SNX29: variants seen among roughly 807,000 people sequenced by gnomAD.
SNX29 encodes the protein sorting nexin 29.
In SNX29, 78 loss-of-function variants were observed where a neutral mutation model predicts 102.1. The ratio of observed to expected loss-of-function variants is 0.76; its 90% CI spans 0.64 to 0.92. The LOEUF (loss-of-function observed/expected upper bound fraction) is 0.92, where lower values mean the gene tolerates loss of function less well. Ranked by LOEUF, SNX29 falls within the 40% of genes least tolerant of loss-of-function variation. The pLI is 0.00. For synonymous variants in SNX29, 580 were observed against 414.5 expected (o/e 1.40, Z -4.85); for missense variants, 1,280 against 1,061.7 (o/e 1.21, Z -2.86).
intron 19 of SNX29, among the ~76,000 whole-genome samples, chr16:12,480,586 A>C (rs2087859385): frequency 6.6e-6 from 1 of 152,158 alleles, no homozygotes. Context: ...GGGTGTGGAC[A>C]TCTGTGGGGG....
rs1334758452 is a variant in SNX29 at position 12,570,276 on chromosome 16, T to C, written c.*1647T>C. 4 of 1,064,486 alleles carry C rather than the reference T, an allele frequency of 3.8e-6. No homozygotes were observed. The East Asian group carries it at 2.0e-4, about 53-fold the overall frequency. The allele number at this position is 1,064,486 out of a possible 1,614,324, so 65.9% of individuals were successfully genotyped here. On this transcript the variant is annotated 3_prime_UTR_variant, in exon 21 of 21. Coordinates refer to ENST00000566228, the MANE Select transcript of SNX29 (RefSeq NM_032167.5). The stretch of plus-strand genomic sequence containing the variant: ...GGAGCATGTATGGAGGTGCGGACCC[T>C]GCAGTCAGTTTGCGAGTGTGGAGGA...
chr16:12,474,806 T>C (rs2087515315), intron 18 of SNX29, among the ~76,000 whole-genome samples: 1 of 152,232 alleles, frequency 6.6e-6, no homozygotes, highest in Non-Finnish European at 1.5e-5. Flanking sequence ...TGATGTATTA[T>C]AGTTGCTGTG....
At chr16:12,112,282 C>T (rs1350075378) in intron 11 of SNX29, among the ~76,000 whole-genome samples, 1 of 152,162 alleles carries the variant, frequency 6.6e-6, no homozygotes, top group Non-Finnish European at 1.5e-5. Flanking sequence ...CTGGAAGCAG[C>T]AGTGTGCTCC....
At chr16:12,513,470 C>A (rs879457684) in intron 19 of SNX29, among the ~76,000 whole-genome samples, 2 of 152,036 alleles carry the variant, frequency 1.3e-5, no homozygotes, top group Non-Finnish European at 2.9e-5. Context: ...CTCTCCTTCC[C>A]TTCCGTACCC....
intron 18 of SNX29, among the ~76,000 whole-genome samples, chr16:12,466,859 T>C (rs1000899888): frequency 1.3e-5 from 2 of 152,210 alleles, no homozygotes; most frequent in South Asian, 2.1e-4. Flanking sequence ...AAGTGGAGAC[T>C]GTTCCATGAG....
chr16:12,459,135 C>T (rs1307127608), intron 18 of SNX29, among the ~76,000 whole-genome samples: 2 of 139,156 alleles, frequency 1.4e-5, no homozygotes, highest in Non-Finnish European at 3.1e-5. Flanking sequence ...ATTTCACTCC[C>T]CCCTCCTCCC....
At chr16:12,349,295 G>A (rs776651271) in intron 15 of SNX29, among the ~76,000 whole-genome samples, 6 of 152,206 alleles carry the variant, frequency 3.9e-5, no homozygotes, top group Non-Finnish European at 7.3e-5. Flanking sequence ...TGGACCCACC[G>A]TGCCAAGGTC....
chr16:12,077,328 G>A (rs16958959), intron 10 of SNX29, among the ~76,000 whole-genome samples: 1 of 150,330 alleles, frequency 6.7e-6, no homozygotes, highest in Admixed American at 6.6e-5. Flanking sequence ...AAGAAAATCA[G>A]TCTTAACCCT....
chr16:12,074,939 T>C (rs1224468552), intron 10 of SNX29, among the ~76,000 whole-genome samples: 3 of 152,350 alleles, frequency 2.0e-5, no homozygotes, highest in East Asian at 3.9e-4. Flanking sequence ...TGATACCCTT[T>C]CTTCCAGTTG....
chr16:12,219,670 C>G (rs1282276743), intron 14 of SNX29, among the ~76,000 whole-genome samples: 1 of 152,196 alleles, frequency 6.6e-6, no homozygotes, highest in Non-Finnish European at 1.5e-5. Flanking sequence ...ATTGAAAATT[C>G]ATGCGTATTT....
chr16:12,256,095 G>C (rs1393555338), intron 14 of SNX29, among the ~76,000 whole-genome samples: 2 of 152,118 alleles, frequency 1.3e-5, no homozygotes, highest in Non-Finnish European at 2.9e-5. Context: ...ATCTCATTGT[G>C]GTTTTGATTT....
chr16:12,408,181 A>C (rs72771556), intron 18 of SNX29, among the ~76,000 whole-genome samples: 65,573 of 148,634 alleles, frequency 0.44, 16,799 homozygotes, highest in Non-Finnish European at 0.57. Context: ...AACAAACAAA[A>C]AAAAAACTAG....
chr16:12,232,545 C>T (rs1474985563), intron 14 of SNX29, among the ~76,000 whole-genome samples: 3 of 152,176 alleles, frequency 2.0e-5, no homozygotes, highest in African/African-American at 4.8e-5. Context: ...ATGCTTGAAT[C>T]GTGGCTTTTG....
intron 14 of SNX29, among the ~76,000 whole-genome samples, chr16:12,223,817 A>T (rs2077538807): frequency 1.3e-5 from 2 of 152,162 alleles, no homozygotes; most frequent in African/African-American, 4.8e-5. Flanking sequence ...CCATGTATTG[A>T]GGGCTTACTT....
At chr16:12,285,588 G>A (rs1348069763) in intron 15 of SNX29, among the ~76,000 whole-genome samples, 1 of 152,188 alleles carries the variant, frequency 6.6e-6, no homozygotes, top group Admixed American at 6.5e-5. Flanking sequence ...AACTGTGAAT[G>A]TGATCATCAT....
chr16:12,557,860 A>C (rs2078467774), intron 20 of SNX29, among the ~76,000 whole-genome samples: 1 of 152,184 alleles, frequency 6.6e-6, no homozygotes, highest in African/African-American at 2.4e-5. Context: ...GACCATAGCC[A>C]TTCCAGCGAG....
chr16:12,230,021 C>T (rs112404582), intron 14 of SNX29, among the ~76,000 whole-genome samples: 5 of 152,356 alleles, frequency 3.3e-5, no homozygotes, highest in Non-Finnish European at 7.3e-5. Flanking sequence ...GTTGTAGCAG[C>T]CGCAGACATT....
chr16:12,386,936 C>T (rs2083362389), intron 16 of SNX29, among the ~76,000 whole-genome samples: 1 of 152,070 alleles, frequency 6.6e-6, no homozygotes. Context: ...ACTAGCCTGG[C>T]TGACATGGTG....
In SNX29 at chr16:12,560,971, G is replaced by C. The variant is rs1029279141; in HGVS notation, c.2319-7535G>C. On this transcript the variant is annotated intron_variant, in intron 20 of 20. Transcript: ENST00000566228. The stretch of plus-strand genomic sequence containing the variant: ...AACCAGACCCAGACCTGCCTTCAAG[G>C]AACCCTTGGGTACTGCCAGAGCCAT... 6.1e-5 allele frequency: 13 copies of C among 213,540 alleles called. No homozygotes were observed. In the East Asian group the frequency reaches 8.3e-4, roughly 14 times the overall value. 13.2% of individuals were successfully genotyped at this position (213,540 alleles called of 1,614,324 possible).
Sources: gnomAD v4.1 joint callset for allele counts (sites outside exome capture counted in the v4.1 genomes callset) on GRCh38, gnomAD v4.1.1 for gene constraint, MANE v1.5 for transcripts, NCBI Gene and HGNC (gene_info 2026-07-23, HGNC 2026-07-21) for gene names.